Variants in RNFT2 observed in about 807,000 individuals in gnomAD.
The protein encoded by RNFT2 is E3 ubiquitin-protein ligase RNFT2.
RNFT2 carries 36 observed loss-of-function variants against 53.0 expected under a neutral mutation model. The observed-to-expected ratio is 0.68, with a 90% CI of 0.52 to 0.90. The LOEUF (loss-of-function observed/expected upper bound fraction) is 0.90. Ranked by LOEUF, RNFT2 falls within the 40% of genes least tolerant of loss-of-function variation. The probability of loss-of-function intolerance (pLI) is 0.00; values close to 1 mark genes in which losing one functional copy is unlikely to be tolerated. For synonymous variants in RNFT2, 260 were observed against 253.2 expected (o/e 1.03, Z -0.26); for missense variants, 514 against 585.6 (o/e 0.88, Z 1.26).
chr12:116,839,740 G>C (rs1339896671), intron 10 of RNFT2, among the ~76,000 whole-genome samples: 3 of 149,940 alleles, frequency 2.0e-5, no homozygotes, highest in Non-Finnish European at 3.0e-5. Flanking sequence ...ATAGATGGGT[G>C]GGTGGGTGAA....
intron 7 of RNFT2, among the ~76,000 whole-genome samples, chr12:116,827,955 C>T (rs1234793153): frequency 6.6e-6 from 1 of 152,204 alleles, no homozygotes; most frequent in Admixed American, 6.5e-5. Flanking sequence ...CCAAGCCAGA[C>T]TGGTTGTTGA....
chr12:116,797,306 TC>T (rs1248428777), intron 7 of RNFT2, among the ~76,000 whole-genome samples: 2 of 152,168 alleles, frequency 1.3e-5, no homozygotes, highest in African/African-American at 2.4e-5. Context: ...ATTCCTGTAA[TC>T]CCAGCACTTT....
intron 7 of RNFT2, among the ~76,000 whole-genome samples, chr12:116,822,346 GTCTC>G (rs564255876): frequency 6.6e-6 from 1 of 150,954 alleles, no homozygotes; most frequent in Admixed American, 6.6e-5. Flanking sequence ...CTCTCTCTCT[GTCTC>G]TCTCTCTCTC....
In RNFT2 at chr12:116,852,513, A is replaced by C; in HGVS notation, c.*3065A>C. Reference sequence around the variant, plus strand: ...ACAATCCCACTTGCCTGAATAATCAAGTGGGAAGGGGAAGCAGAGGGAAAT... The same window carrying C: ...ACAATCCCACTTGCCTGAATAATCACGTGGGAAGGGGAAGCAGAGGGAAAT... On this transcript the variant is annotated 3_prime_UTR_variant, in exon 11 of 11. Coordinates refer to ENST00000257575, the MANE Select transcript of RNFT2 (RefSeq NM_001382266.1). 6 of 1,536,260 alleles carry C rather than the reference A, an allele frequency of 3.9e-6. No individual in the cohort carries two copies. Among genetic ancestry groups the C allele is most frequent in the Non-Finnish European group, 5.3e-6 (6 of 1,141,932 alleles).
intron 6 of RNFT2, among the ~76,000 whole-genome samples, chr12:116,774,441 TA>T (rs1004693947): frequency 5.3e-5 from 8 of 152,064 alleles, no homozygotes; most frequent in African/African-American, 1.4e-4. Context: ...TAGCTTCATT[TA>T]AAAAAAAGTA....
chr12:116,818,099 T>C (rs1392882363), intron 7 of RNFT2, among the ~76,000 whole-genome samples: 1 of 152,180 alleles, frequency 6.6e-6, no homozygotes, highest in Non-Finnish European at 1.5e-5. Flanking sequence ...CATCTGACTT[T>C]GGTTTTAAAA....
chr12:116,833,450 T>C (rs1005819195), intron 7 of RNFT2, among the ~76,000 whole-genome samples: 9 of 152,194 alleles, frequency 5.9e-5, no homozygotes, highest in African/African-American at 2.2e-4. Context: ...GCCCCCACCT[T>C]GGGCTTTGAG....
intron 7 of RNFT2, among the ~76,000 whole-genome samples, chr12:116,797,148 AAATGTTATGGATTGAACTGTGCTCCCCG>A (rs1874539169): frequency 6.6e-6 from 1 of 152,202 alleles, no homozygotes; most frequent in Non-Finnish European, 1.5e-5. Flanking sequence ...TCAGCTCCCC[AAATGTTATGGATTGAACTGTGCTCCCCG>A]AATGTTATGG....
At chr12:116,804,867 C>T (rs1356005682) in intron 7 of RNFT2, among the ~76,000 whole-genome samples, 2 of 152,006 alleles carry the variant, frequency 1.3e-5, no homozygotes, top group Non-Finnish European at 1.5e-5. Context: ...TTCAGGAAGC[C>T]GAAGTGGGAG....
intron 7 of RNFT2, among the ~76,000 whole-genome samples, chr12:116,821,802 C>CTTTTTTTTTTTTTTTTTTT (rs149043452): frequency 2.3e-5 from 1 of 43,926 alleles, no homozygotes; most frequent in Non-Finnish European, 3.7e-5. Context: ...CTACTTGTTT[C>CTTTTTTTTTTTTTTTTTTT]TTTTTTTTTT....
chr12:116,812,041 AG>A (rs918635776), intron 7 of RNFT2, among the ~76,000 whole-genome samples: 3 of 152,126 alleles, frequency 2.0e-5, no homozygotes, highest in African/African-American at 7.2e-5. Context: ...ACCTGGCTCC[AG>A]GAGGAGCCCG....
At position 116,849,422 on chromosome 12, in the gene RNFT2, A is replaced by C. The variant is rs763998311; in HGVS notation, c.1309A>C (p.Thr437Pro). The C allele has an allele frequency of 6.3e-7, 1 of 1,590,732 alleles. No individual in the cohort carries two copies. Among genetic ancestry groups the C allele is most frequent in the Middle Eastern group, 1.7e-4 (1 of 6,042 alleles). ...DTLRCWKDGA[T>P]SAHFQVY The stretch of plus-strand genomic sequence containing the variant: ...CCTGCGCTGCTGGAAGGACGGCGCC[A>C]CGTCCGCACACTTCCAGGTGTACTA... The change falls in exon 11 of 11, where the codon ACG (threonine) becomes CCG (proline). Residue 437 changes from threonine to proline, a missense_variant. Around this residue, in one of 3 missense-constraint regions of RNFT2, gnomAD observed 273 missense variants for 334.4 expected, o/e 0.82. Coordinates refer to ENST00000257575, the MANE Select transcript of RNFT2 (RefSeq NM_001382266.1).
intron 6 of RNFT2, among the ~76,000 whole-genome samples, chr12:116,770,895 T>G (rs1359783133): frequency 6.6e-6 from 1 of 152,152 alleles, no homozygotes; most frequent in African/African-American, 2.4e-5. Flanking sequence ...CATTTATGCC[T>G]GTACTTTTTA....
Position 116,740,479 on chromosome 12 carries a change from A to G in RNFT2, c.-19A>G, listed in dbSNP as rs1871554481. 1.9e-6 allele frequency: 3 copies of G among 1,570,646 alleles called. No individual in the cohort carries two copies. The highest frequency in any genetic ancestry group is 2.6e-6 in the Non-Finnish European group (3 of 1,156,540). On this transcript the variant is annotated 5_prime_UTR_variant, in exon 2 of 11. Transcript: ENST00000257575. ...CGAATGCCTACCTCCAGTGTCGTCA[A>G]CATGGAGTTCTGAAGTCCATGTGGC...
At chr12:116,787,293 T>G (rs1017146976) in intron 7 of RNFT2, among the ~76,000 whole-genome samples, 2 of 152,254 alleles carry the variant, frequency 1.3e-5, no homozygotes, top group Non-Finnish European at 2.9e-5. Context: ...CTAGAGGGCC[T>G]AGGCCATTCC....
chr12:116,775,568 GTCACCTCTC>G (rs1873397532), intron 6 of RNFT2, among the ~76,000 whole-genome samples: 1 of 152,190 alleles, frequency 6.6e-6, no homozygotes, highest in South Asian at 2.1e-4. Flanking sequence ...GGCAAGTCAT[GTCACCTCTC>G]TGAGCCTTCC....
chr12:116,781,951 C>T (rs548723827), intron 7 of RNFT2, among the ~76,000 whole-genome samples: 15 of 151,772 alleles, frequency 9.9e-5, no homozygotes, highest in East Asian at 3.9e-4. Context: ...TGGCAGCATG[C>T]GCCTGTAGTC....
intron 7 of RNFT2, among the ~76,000 whole-genome samples, chr12:116,822,295 C>T (rs1871957376): frequency 6.6e-6 from 1 of 152,020 alleles, no homozygotes; most frequent in South Asian, 2.1e-4. Context: ...GGAAGCAGGG[C>T]CATCATTTTG....
intron 7 of RNFT2, among the ~76,000 whole-genome samples, chr12:116,832,562 C>T (rs977175952): frequency 3.3e-5 from 5 of 152,202 alleles, no homozygotes; most frequent in South Asian, 2.1e-4. Context: ...TCATTTCTCT[C>T]GGGTAAATAG....
Sources: gnomAD v4.1 joint callset for allele counts (sites outside exome capture counted in the v4.1 genomes callset) on GRCh38, gnomAD v4.1.1 for gene constraint, gnomAD v4.1.1 regional missense constraint, MANE v1.5 for transcripts, NCBI Gene and HGNC (gene_info 2026-07-23, HGNC 2026-07-21) for gene names.